PBK: variants seen among roughly 807,000 people sequenced by gnomAD.
The protein encoded by PBK is lymphokine-activated killer T-cell-originated protein kinase.
In PBK, 22 loss-of-function variants were observed where a neutral mutation model predicts 33.5. The ratio of observed to expected loss-of-function variants is 0.66; its 90% CI spans 0.47 to 0.94. The LOEUF is 0.94. Among genes scored for constraint, PBK ranks in the 40% least tolerant of loss-of-function variants. PBK has a pLI of 0.00. For synonymous variants in PBK, 129 were observed against 123.8 expected (o/e 1.04, Z -0.28); for missense variants, 376 against 383.4 (o/e 0.98, Z 0.16).
At chr8:27,828,532 G>A (rs1806069586) in intron 2 of PBK, among the ~76,000 whole-genome samples, 1 of 152,006 alleles carries the variant, frequency 6.6e-6, no homozygotes, top group Non-Finnish European at 1.5e-5. Context: ...TTGGAGTCCG[G>A]GGCAGGAGGG....
chr8:27,833,509 CAAA>C (rs112911608), intron 1 of PBK, among the ~76,000 whole-genome samples: 4 of 106,800 alleles, frequency 3.7e-5, no homozygotes, highest in Admixed American at 9.9e-5. Context: ...AACTCCGTCT[CAAA>C]AAAAAAAAAA....
At position 27,831,511 on chromosome 8, in the gene PBK, T is replaced by C. The variant is rs543402660; in HGVS notation, c.58+1545A>G. ...TTCAACTCTCTTCTCTCATAATTAA[T>C]ATAAAAAGTATACAGAATATCATTG... is the stretch of plus-strand genomic sequence containing the variant. On this transcript the variant is annotated intron_variant, in intron 2 of 7. Coordinates refer to ENST00000301905, the MANE Select transcript of PBK (RefSeq NM_018492.4). Among the ~76,000 whole-genome samples, 21 of 110,590 alleles carry C rather than the reference T, an allele frequency of 1.9e-4. No individual in the cohort carries two copies. In the South Asian group the frequency reaches 2.5e-3, roughly 13 times the overall value. 72.6% of individuals were successfully genotyped at this position (110,590 alleles called of 152,430 possible). A position where few individuals can be genotyped will look rare whatever the true frequency, so the allele number is the denominator to read the frequency against.
chr8:27,829,592 G>A (rs1429167082), intron 2 of PBK, among the ~76,000 whole-genome samples: 1 of 152,234 alleles, frequency 6.6e-6, no homozygotes, highest in Admixed American at 6.5e-5. Context: ...TAGAGGCCTA[G>A]CGCGGTGGCT....
chr8:27,821,235 TTTATAC>T (rs752455209), intron 5 of PBK, among the ~76,000 whole-genome samples: 11 of 152,062 alleles, frequency 7.2e-5, no homozygotes, highest in Non-Finnish European at 1.3e-4. Flanking sequence ...CTGCTAACCT[TTTATAC>T]TTATAAAATA....
chr8:27,831,250 G>C (rs1806123891), intron 2 of PBK, among the ~76,000 whole-genome samples: 1 of 152,022 alleles, frequency 6.6e-6, no homozygotes, highest in Non-Finnish European at 1.5e-5. Context: ...CTACTCCAGA[G>C]GCCAAGGCAC....
chr8:27,818,481 C>A (rs1805859662), intron 6 of PBK, among the ~76,000 whole-genome samples: 1 of 152,196 alleles, frequency 6.6e-6, no homozygotes, highest in Non-Finnish European at 1.5e-5. Context: ...ATAATTTACA[C>A]AGTGTGATGA....
At position 27,809,972 on chromosome 8, in the gene PBK, A is replaced by G. The variant is rs1648244387; in HGVS notation, c.*333T>C. ...GTCAGTAGATCCATTAAAATATAGA[A>G]TATTTAAGAAAGATCATTAATAAAA... is the stretch of plus-strand genomic sequence containing the variant. On this transcript the variant is annotated 3_prime_UTR_variant, in exon 8 of 8. Transcript: ENST00000301905. 8.1e-6 allele frequency: 2 copies of G among 247,380 alleles called. No individual in the cohort carries two copies. Among genetic ancestry groups the G allele is most frequent in the Non-Finnish European group, 1.5e-5 (2 of 129,492 alleles). The allele number at this position is 247,380 out of a possible 1,614,324, so 15.3% of individuals were successfully genotyped here.
intron 6 of PBK, among the ~76,000 whole-genome samples, chr8:27,818,753 T>C (rs890687958): frequency 3.3e-5 from 5 of 152,126 alleles, no homozygotes; most frequent in Non-Finnish European, 5.9e-5. Flanking sequence ...TTTTTTTAAA[T>C]GGAGGTACCC....
Position 27,820,703 on chromosome 8 carries a change from G to C in PBK, c.466-9C>G. The stretch of plus-strand genomic sequence containing the variant: ...TTTTCTTGGTGCAGATACTAAAATA[G>C]TAAAAAATTTAACACATATGTGCAG... On this transcript the variant is annotated splice_polypyrimidine_tract_variant and intron_variant, in intron 5 of 7. Transcript: ENST00000301905. 1 of 1,490,900 alleles carries C rather than the reference G, an allele frequency of 6.7e-7. No individual in the cohort carries two copies. Among genetic ancestry groups the C allele is most frequent in the Non-Finnish European group, 9.1e-7 (1 of 1,098,662 alleles). The allele number at this position is 1,490,900 out of a possible 1,614,324, so 92.4% of individuals were successfully genotyped here. A position where few individuals can be genotyped will look rare whatever the true frequency, so the allele number is the denominator to read the frequency against.
intron 6 of PBK, among the ~76,000 whole-genome samples, chr8:27,814,021 G>A (rs1290487556): frequency 6.6e-6 from 1 of 152,122 alleles, no homozygotes; most frequent in Non-Finnish European, 1.5e-5. Context: ...AGGACCGATA[G>A]GATGTCCTAC....
rs769704505 is a variant in PBK at position 27,828,167 on chromosome 8, C to T, written c.90G>A (p.Pro30=). ...VLCSTPTINI[P]ASPFMQKLGF... The stretch of plus-strand genomic sequence containing the variant: ...CAAGCTTCTGCATAAACGGAGAGGC[C>T]GGGATATTTATAGTTGGAGTTGAAC... The change falls in exon 3 of 8, where the codon CCG becomes CCA. Residue 30 remains proline, a synonymous_variant. Transcript: ENST00000301905. The T allele has an allele frequency of 7.6e-6, 12 of 1,575,882 alleles. No individual in the cohort carries two copies. Among genetic ancestry groups the T allele is most frequent in the South Asian group, 2.2e-5 (2 of 89,332 alleles).
At position 27,833,299 on chromosome 8, in the gene PBK, C is replaced by T. The variant is rs149553246; in HGVS notation, c.-20-166G>A. 7.9e-3 allele frequency among the ~76,000 whole-genome samples: 1,200 copies of T among 151,962 alleles called. 14 individuals are homozygous for T. The highest frequency in any genetic ancestry group is 0.027 in the African/African-American group (1,133 of 41,426). On this transcript the variant is annotated intron_variant, in intron 1 of 7. Coordinates refer to ENST00000301905, the MANE Select transcript of PBK (RefSeq NM_018492.4). Reference sequence around the variant, plus strand: ...CTGAGGTCGGTGGATCACCTGAGGTCGGGAGTTCGAGACCAGCCCGACCAA... The same window carrying T: ...CTGAGGTCGGTGGATCACCTGAGGTTGGGAGTTCGAGACCAGCCCGACCAA...
At chr8:27,837,116 G>A (rs1806241586) in intron 1 of PBK, among the ~76,000 whole-genome samples, 1 of 152,198 alleles carries the variant, frequency 6.6e-6, no homozygotes, top group African/African-American at 2.4e-5. Context: ...AATGGCAGTA[G>A]GATGACCGTG....
intron 6 of PBK, among the ~76,000 whole-genome samples, chr8:27,813,557 A>G (rs927754063): frequency 6.6e-6 from 1 of 151,998 alleles, no homozygotes; most frequent in Non-Finnish European, 1.5e-5. Flanking sequence ...TGTTTGATAT[A>G]TGTAAACACT....
At position 27,822,483 on chromosome 8, in the gene PBK, G is replaced by A. The variant is rs754938337; in HGVS notation, c.301C>T (p.Arg101Cys). The A allele has an allele frequency of 7.5e-6, 12 of 1,593,796 alleles. 1 individual carries two copies. The highest frequency in any genetic ancestry group is 3.3e-4 in the Middle Eastern group (2 of 6,026). ...CCATCATTGGCTTCAGTAAAAGCAC[G>A]ATAACCTTAAAGAAAACATGACATT... is the stretch of plus-strand genomic sequence containing the variant. ...SLHHPNIVGYRAFTEANDGSL... is the reference protein window; with the variant it reads ...SLHHPNIVGYCAFTEANDGSL... The change falls in exon 5 of 8, where the codon CGT becomes TGT. Residue 101 changes from arginine (R) to cysteine (C), a missense_variant. Coordinates refer to ENST00000301905, the MANE Select transcript of PBK (RefSeq NM_018492.4).
At chr8:27,830,205 G>GAAA (rs35191143) in intron 2 of PBK, among the ~76,000 whole-genome samples, 18 of 92,934 alleles carry the variant, frequency 1.9e-4, no homozygotes, top group East Asian at 5.8e-4. Context: ...TCTGTCTCAA[G>GAAA]AAAAAAAAAA....
At chr8:27,822,551 A>G (rs1563492109) in intron 4 of PBK, 63 bp from the exon 5 acceptor site, 1 of 1,106,670 alleles carries the variant, frequency 9.0e-7, no homozygotes, top group Non-Finnish European at 1.3e-6. Context: ...TAAGTCCTTT[A>G]TAGTAACGTG....
chr8:27,820,697 A>G lies in PBK; in HGVS notation c.466-3T>C. On this transcript the variant is annotated splice_region_variant and splice_polypyrimidine_tract_variant and intron_variant, in intron 5 of 7. Transcript: ENST00000301905. ...AGTTTCTTTTCTTGGTGCAGATACT[A>G]AAATAGTAAAAAATTTAACACATAT... The G allele has an allele frequency of 1.3e-6, 2 of 1,498,800 alleles. No individual in the cohort carries two copies. The highest frequency in any genetic ancestry group is 1.8e-6 in the Non-Finnish European group (2 of 1,102,700). The allele number at this position is 1,498,800 out of a possible 1,614,324, so 92.8% of individuals were successfully genotyped here. A position where few individuals can be genotyped will look rare whatever the true frequency, so the allele number is the denominator to read the frequency against.
At chr8:27,815,428 T>G (rs947093302) in intron 6 of PBK, among the ~76,000 whole-genome samples, 4 of 152,212 alleles carry the variant, frequency 2.6e-5, no homozygotes, top group African/African-American at 7.2e-5. Context: ...CTTTGGGCAT[T>G]ACAGTTTAGA....
Sources: allele counts gnomAD v4.1 joint callset (sites outside exome capture counted in the v4.1 genomes callset), GRCh38; gene constraint gnomAD v4.1.1; transcripts MANE v1.5; gene names NCBI Gene and HGNC (gene_info 2026-07-23, HGNC 2026-07-21).